The following GPR15 variants were observed in gnomAD, a reference collection of about 807,000 sequenced individuals.
GPR15 encodes brother of Bonzo.
Under a neutral mutation model 19.3 loss-of-function variants are expected in GPR15, and 16 were observed. The observed-to-expected ratio is 0.83, with a 90% CI of 0.56 to 1.26. GPR15 has a LOEUF of 1.26. GPR15 is among the 50% of genes most tolerant of loss of function. GPR15 has a pLI of 0.00. For missense variants in GPR15, 458 were observed against 429.4 expected (o/e 1.07, Z -0.59); for synonymous variants, 170 against 171.2 (o/e 0.99, Z 0.05).
In GPR15 at chr3:98,533,743, T is replaced by C. The variant is rs1015036236; in HGVS notation, c.*627T>C. Reference sequence around the variant, plus strand: ...CAAAAAAAAACTCATGGGGATTTTGTATTGTGTTTATGATTTGGGACTTAC... The same window carrying C: ...CAAAAAAAAACTCATGGGGATTTTGCATTGTGTTTATGATTTGGGACTTAC... On this transcript the variant is annotated 3_prime_UTR_variant, in exon 1 of 1. Transcript: ENST00000284311. Among the ~76,000 whole-genome samples, 1 of 152,246 alleles carries C rather than the reference T, an allele frequency of 6.6e-6. No homozygotes were observed. Among genetic ancestry groups the C allele is most frequent in the Middle Eastern group, 3.2e-3 (1 of 316 alleles).
Position 98,532,579 on chromosome 3 carries a change from C to A in GPR15, c.546C>A (p.Tyr182Ter). The A allele has an allele frequency of 1.2e-6, 2 of 1,614,198 alleles. No homozygotes were observed. Among genetic ancestry groups the A allele is most frequent in the Non-Finnish European group, 1.7e-6 (2 of 1,180,032 alleles). ...RELTLIDDKP[Y>*]CAEKKATPIK... is the part of the protein sequence containing the mutation. ...TCACGCTGATTGATGATAAGCCATA[C>A]TGTGCAGAGAAAAAGGCAACTCCAA... The change falls in exon 1 of 1, where the codon TAC (tyrosine) becomes TAA (stop). Residue 182 changes from tyrosine (Y) to a stop codon, truncating the protein, a stop_gained. Coordinates refer to ENST00000284311, the MANE Select transcript of GPR15 (RefSeq NM_005290.4). LOFTEE classifies it high-confidence loss of function.
rs1311926923 is a variant in GPR15 at position 98,533,491 on chromosome 3, G to C, written c.*375G>C. Among the ~76,000 whole-genome samples the C allele has an allele frequency of 6.6e-6, 1 of 152,084 alleles. No individual in the cohort carries two copies. The highest frequency in any genetic ancestry group is 1.9e-4 in the East Asian group (1 of 5,194). ...TCATCCCCACCACCCTTCATACTGG[G>C]CTCTAAATTGGACTACATTTAAATG... On this transcript the variant is annotated 3_prime_UTR_variant, in exon 1 of 1. Transcript: ENST00000284311.
At position 98,532,356 on chromosome 3, in the gene GPR15, G is replaced by A; in HGVS notation, c.323G>A (p.Gly108Glu). 6.2e-7 allele frequency: 1 copy of A among 1,614,152 alleles called. No individual in the cohort carries two copies. Among genetic ancestry groups the A allele is most frequent in the Non-Finnish European group, 8.5e-7 (1 of 1,180,030 alleles). ...AGGACGGGCTCCTTCCTGTGCAAAG[G>A]GAGCTCCTACATGATCTCCGTCAAT... ...LWRTGSFLCK[G>E]SSYMISVNMH... The change falls in exon 1 of 1, where the codon GGG becomes GAG. Residue 108 changes from glycine to glutamate, a missense_variant. Coordinates refer to ENST00000284311, the MANE Select transcript of GPR15 (RefSeq NM_005290.4).
chr3:98,532,579 C>T lies in GPR15; in HGVS notation c.546C>T (p.Tyr182=), dbSNP rs369532698. The change falls in exon 1 of 1, where the codon TAC becomes TAT. Residue 182 remains tyrosine (Y), a synonymous_variant. Transcript: ENST00000284311. ...TCACGCTGATTGATGATAAGCCATACTGTGCAGAGAAAAAGGCAACTCCAA... is the reference window on the plus strand; with the variant it reads ...TCACGCTGATTGATGATAAGCCATATTGTGCAGAGAAAAAGGCAACTCCAA... ...RELTLIDDKP[Y]CAEKKATPIK... 6.2e-7 allele frequency: 1 copy of T among 1,614,198 alleles called. No individual in the cohort carries two copies. The highest frequency in any genetic ancestry group is 8.5e-7 in the Non-Finnish European group (1 of 1,180,032).
In GPR15 at chr3:98,532,410, G is replaced by C. The variant is rs760905408; in HGVS notation, c.377G>C (p.Cys126Ser). Residue 126 changes from cysteine (C) to serine (S), a missense_variant, in exon 1 of 1, where the codon TGC (cysteine) becomes TCC (serine). Cys to Ser is a moderately radical substitution (Grantham distance 112, BLOSUM62 -1). Transcript: ENST00000284311. ...CACTGCAGTGTCCTCCTGCTCACTT[G>C]CATGAGTGTTGACCGCTACCTGGCC... ...NMHCSVLLLT[C>S]MSVDRYLAIV... The C allele has an allele frequency of 4.2e-5, 67 of 1,614,060 alleles. 6 individuals carry two copies. In the South Asian group the frequency reaches 7.4e-4, roughly 18 times the overall value.
rs973139989 is a variant in GPR15 at position 98,533,588 on chromosome 3, G to A, written c.*472G>A. On this transcript the variant is annotated 3_prime_UTR_variant, in exon 1 of 1. Coordinates refer to ENST00000284311, the MANE Select transcript of GPR15 (RefSeq NM_005290.4). ...AACAAAAATATAATATACCTGCACT[G>A]TGCAATTAATTGTTTCTGAGTTACT... Among the ~76,000 whole-genome samples, 1 of 152,160 alleles carries A rather than the reference G, an allele frequency of 6.6e-6. No homozygotes were observed. The highest frequency in any genetic ancestry group is 2.4e-5 in the African/African-American group (1 of 41,440).
Position 98,532,019 on chromosome 3 carries a change from A to AT in GPR15, c.-14dup. On this transcript the variant is annotated 5_prime_UTR_variant, in exon 1 of 1. Transcript: ENST00000284311. ...TGTAAGTAAACTCACCAGATTTGGC[A>AT]TCTGCTCTTTGGTGATGGACCCAGA... The AT allele has an allele frequency of 6.3e-7, 1 of 1,585,942 alleles. No individual in the cohort carries two copies. The highest frequency in any genetic ancestry group is 8.6e-7 in the Non-Finnish European group (1 of 1,165,162).
At position 98,534,089 on chromosome 3, in the gene GPR15, C is replaced by T. The variant is rs1332267941; in HGVS notation, c.*973C>T. Among the ~76,000 whole-genome samples, 1 of 152,054 alleles carries T rather than the reference C, an allele frequency of 6.6e-6. No homozygotes were observed. The highest frequency in any genetic ancestry group is 1.5e-5 in the Non-Finnish European group (1 of 67,994). On this transcript the variant is annotated 3_prime_UTR_variant, in exon 1 of 1. Transcript: ENST00000284311. ...TTGTATTTTAATTAAAATGTTAGTG[C>T]TACACATTCCCTATAGTATCATTTG...
Position 98,532,676 on chromosome 3 carries a change from T to A in GPR15, c.643T>A (p.Tyr215Asn), listed in dbSNP as rs138027053. ...CCCTTTGTTGAGCATTGTGACCTGC[T>A]ACTGTTGCATTGCAAGGAAGCTGTG... ...FVPLLSIVTC[Y>N]CCIARKLCAH... The change falls in exon 1 of 1, where the codon TAC becomes AAC. Residue 215 changes from tyrosine (Y) to asparagine (N), a missense_variant. By Grantham distance (143) the Tyr-to-Asn change is moderately radical (BLOSUM62 -2). Coordinates refer to ENST00000284311, the MANE Select transcript of GPR15 (RefSeq NM_005290.4). 1.7e-5 allele frequency: 27 copies of A among 1,614,206 alleles called. No individual in the cohort carries two copies. Among genetic ancestry groups the A allele is most frequent in the Non-Finnish European group, 2.1e-5 (25 of 1,180,038 alleles).
chr3:98,532,297 C>T lies in GPR15; in HGVS notation c.264C>T (p.Leu88=), dbSNP rs781662704. The T allele has an allele frequency of 1.2e-5, 20 of 1,614,068 alleles. No homozygotes were observed. The Admixed American group carries it at 2.7e-4, about 22-fold the overall frequency. Residue 88 remains leucine, a synonymous_variant, in exon 1 of 1, where the codon CTC becomes CTT. Coordinates refer to ENST00000284311, the MANE Select transcript of GPR15 (RefSeq NM_005290.4). ...SDFIFLVTLP[L]WVDKEASLGL... is the part of the protein sequence containing the mutation. ...TCATTTTTCTTGTCACATTGCCTCT[C>T]TGGGTGGATAAAGAAGCATCTCTAG...
At position 98,532,816 on chromosome 3, in the gene GPR15, G is replaced by A; in HGVS notation, c.783G>A (p.Lys261=). Residue 261 remains lysine, a synonymous_variant, in exon 1 of 1, where the codon AAG becomes AAA. Coordinates refer to ENST00000284311, the MANE Select transcript of GPR15 (RefSeq NM_005290.4). ...LVSWLPFNTF[K]FLAIVSGLRQ... Reference sequence around the variant, plus strand: ...CCTGGCTGCCCTTCAATACTTTCAAGTTCCTGGCCATTGTCTCTGGGTTGC... The same window carrying A: ...CCTGGCTGCCCTTCAATACTTTCAAATTCCTGGCCATTGTCTCTGGGTTGC... 1 of 1,613,900 alleles carries A rather than the reference G, an allele frequency of 6.2e-7. No homozygotes were observed. Among genetic ancestry groups the A allele is most frequent in the Non-Finnish European group, 8.5e-7 (1 of 1,179,924 alleles).
rs1167208338 is a variant in GPR15 at position 98,533,349 on chromosome 3, A to C, written c.*233A>C. Among the ~76,000 whole-genome samples, 1 of 152,138 alleles carries C rather than the reference A, an allele frequency of 6.6e-6. No homozygotes were observed. The highest frequency in any genetic ancestry group is 2.4e-5 in the African/African-American group (1 of 41,416). ...TTGCCAATCAAGTCCACCAGACAAA[A>C]TCCAATTCCCATCTGTCCTTGAACT... On this transcript the variant is annotated 3_prime_UTR_variant, in exon 1 of 1. Coordinates refer to ENST00000284311, the MANE Select transcript of GPR15 (RefSeq NM_005290.4).
chr3:98,534,549 G>A lies in GPR15; in HGVS notation c.*1433G>A, dbSNP rs2107174761. Among the ~76,000 whole-genome samples, 1 of 152,250 alleles carries A rather than the reference G, an allele frequency of 6.6e-6. No homozygotes were observed. The highest frequency in any genetic ancestry group is 1.9e-4 in the East Asian group (1 of 5,194). ...ATCTCATGTATCTTTCACATGAAGA[G>A]AAACCTCAAATATCGGACATCTCCT... On this transcript the variant is annotated 3_prime_UTR_variant, in exon 1 of 1. Transcript: ENST00000284311.
chr3:98,532,553 C>T lies in GPR15; in HGVS notation c.520C>T (p.Leu174Phe), dbSNP rs771421227. ...GTTGCCTACTCTTCTGTCCAGGGAG[C>T]TCACGCTGATTGATGATAAGCCATA... The part of the protein sequence containing the change: ...LGLPTLLSRE[L>F]TLIDDKPYCA... Residue 174 changes from leucine (L) to phenylalanine (F), a missense_variant, in exon 1 of 1, where the codon CTC (leucine) becomes TTC (phenylalanine). Leu to Phe is a conservative substitution (Grantham distance 22). Transcript: ENST00000284311. 1.2e-6 allele frequency: 2 copies of T among 1,614,072 alleles called. No homozygotes were observed. The highest frequency in any genetic ancestry group is 1.7e-6 in the Non-Finnish European group (2 of 1,180,032).
rs2107174402 is a variant in GPR15, at chr3:98,534,015, A to T, written c.*899A>T. ...CAAATGAAAATGTTATTACTAATAT[A>T]ATTGGAACTCATAAAATGCTTAGCT... On this transcript the variant is annotated 3_prime_UTR_variant, in exon 1 of 1. Coordinates refer to ENST00000284311, the MANE Select transcript of GPR15 (RefSeq NM_005290.4). Among the ~76,000 whole-genome samples the T allele has an allele frequency of 6.6e-6, 1 of 152,246 alleles. No homozygotes were observed. Among genetic ancestry groups the T allele is most frequent in the East Asian group, 1.9e-4 (1 of 5,188 alleles).
At position 98,533,199 on chromosome 3, in the gene GPR15, G is replaced by C; in HGVS notation, c.*83G>C. The C allele has an allele frequency of 7.3e-7, 1 of 1,368,642 alleles. No individual in the cohort carries two copies. The allele number at this position is 1,368,642 out of a possible 1,614,324, so 84.8% of individuals were successfully genotyped here. The stretch of plus-strand genomic sequence containing the variant: ...AACAAAGAAGGAAGTGTTAATGATA[G>C]GATTCACATTGCTTCATAGATGCAA... On this transcript the variant is annotated 3_prime_UTR_variant, in exon 1 of 1. Coordinates refer to ENST00000284311, the MANE Select transcript of GPR15 (RefSeq NM_005290.4).
rs573014488 is a variant in GPR15, at chr3:98,533,801, TA to T, written c.*687del. Among the ~76,000 whole-genome samples the T allele has an allele frequency of 1.3e-5, 2 of 152,332 alleles. No homozygotes were observed. The highest frequency in any genetic ancestry group is 4.1e-4 in the South Asian group (2 of 4,832). ...TATGGTCTTCTAGTATTTTAATACA[TA>T]AGCATATGGCAGGATTCAACATCTA... On this transcript the variant is annotated 3_prime_UTR_variant, in exon 1 of 1. Transcript: ENST00000284311.
rs895204370 is a variant in GPR15 at position 98,534,447 on chromosome 3, C to T, written c.*1331C>T. ...CTCCACTGTTGACTTGAATGAATTA[C>T]CATTTTACTTCTAAATATTAGATTT... On this transcript the variant is annotated 3_prime_UTR_variant, in exon 1 of 1. Coordinates refer to ENST00000284311, the MANE Select transcript of GPR15 (RefSeq NM_005290.4). Among the ~76,000 whole-genome samples the T allele has an allele frequency of 5.9e-5, 9 of 152,146 alleles. No individual in the cohort carries two copies. The highest frequency in any genetic ancestry group is 1.9e-4 in the East Asian group (1 of 5,202).
Position 98,531,987 on chromosome 3 carries a change from C to A in GPR15, c.-47C>A. ...GAGGTTTCTAAAATTTATACAAAAACATCATATGTAAGTAAACTCACCAGA... is the reference window on the plus strand; with the variant it reads ...GAGGTTTCTAAAATTTATACAAAAAAATCATATGTAAGTAAACTCACCAGA... On this transcript the variant is annotated 5_prime_UTR_variant, in exon 1 of 1. Coordinates refer to ENST00000284311, the MANE Select transcript of GPR15 (RefSeq NM_005290.4). 1 of 1,537,120 alleles carries A rather than the reference C, an allele frequency of 6.5e-7. No individual in the cohort carries two copies. Among genetic ancestry groups the A allele is most frequent in the Non-Finnish European group, 8.7e-7 (1 of 1,143,064 alleles).
Sources: allele counts gnomAD v4.1 joint callset (sites outside exome capture counted in the v4.1 genomes callset), GRCh38; gene constraint gnomAD v4.1.1; transcripts MANE v1.5; gene names NCBI Gene and HGNC (gene_info 2026-07-23, HGNC 2026-07-21).